The following SMIM36 variants were observed in gnomAD, a reference collection of about 807,000 sequenced individuals.
The protein encoded by SMIM36 is small integral membrane protein 36.
intron 4 of SMIM36, among the ~76,000 whole-genome samples, chr17:55,459,369 T>C (rs1271360386): frequency 6.6e-6 from 1 of 152,190 alleles, no homozygotes; most frequent in Admixed American, 6.5e-5. Flanking sequence ...TTGTTGTTGT[T>C]CAAATTTATC....
chr17:55,458,609 C>T (rs982857010), intron 4 of SMIM36, among the ~76,000 whole-genome samples: 7 of 141,762 alleles, frequency 4.9e-5, no homozygotes, highest in Non-Finnish European at 9.2e-5. Flanking sequence ...TAGCGGGCAG[C>T]CACACATCAA....
intron 1 of SMIM36, among the ~76,000 whole-genome samples, chr17:55,501,959 T>G (rs1754187287): frequency 6.9e-6 from 1 of 145,678 alleles, no homozygotes; most frequent in African/African-American, 2.7e-5. Context: ...AAGAAAGGGG[T>G]GACGGACGCA....
Position 55,501,340 on chromosome 17 carries a change from TATATA to T in SMIM36, c.*174+9534_*174+9538del, listed in dbSNP as rs1476323270. ...TTATATTTTATAATATATAATATAT[TATATA>T]TTATATTTTATAATATATAATATAT... On this transcript the variant is annotated intron_variant, in intron 1 of 4. Coordinates refer to ENST00000636752, the Ensembl canonical transcript of SMIM36. Among the ~76,000 whole-genome samples the T allele has an allele frequency of 1.1e-3, 54 of 50,328 alleles. 3 individuals carry two copies. In the East Asian group the frequency reaches 0.022, roughly 21 times the overall value. 33.0% of individuals were successfully genotyped at this position (50,328 alleles called of 152,430 possible). A position where few individuals can be genotyped will look rare whatever the true frequency, so the allele number is the denominator to read the frequency against.
chr17:55,475,271 C>T (rs1169071868), intron 3 of SMIM36, among the ~76,000 whole-genome samples: 1 of 152,144 alleles, frequency 6.6e-6, no homozygotes, highest in African/African-American at 2.4e-5. Flanking sequence ...GGTACTATCC[C>T]CAATCCACCA....
upstream of SMIM36, among the ~76,000 whole-genome samples, chr17:55,515,084 G>GTTTTTTT (rs1567874075): frequency 1.8e-4 from 10 of 56,154 alleles, 2 homozygotes; most frequent in Non-Finnish European, 5.0e-4. Flanking sequence ...TTCTAGTCTA[G>GTTTTTTT]TGTTTTTTTT....
intron 1 of SMIM36, among the ~76,000 whole-genome samples, chr17:55,484,993 G>T (rs973888998): frequency 6.6e-6 from 1 of 152,170 alleles, no homozygotes; most frequent in African/African-American, 2.4e-5. Context: ...CATTGACTGG[G>T]TTTAGCTGAT....
chr17:55,491,594 T>C (rs1483824920), intron 1 of SMIM36, among the ~76,000 whole-genome samples: 3 of 152,158 alleles, frequency 2.0e-5, no homozygotes, highest in Non-Finnish European at 4.4e-5. Context: ...AATTAAGTTC[T>C]AGCTAATGAA....
At chr17:55,522,482 G>A in the SMIM36 span, among the ~76,000 whole-genome samples, 2 of 152,170 alleles carry the variant, frequency 1.3e-5, no homozygotes, top group African/African-American at 2.4e-5. Flanking sequence ...AAGGTGAATG[G>A]GGAACAAATT....
intron 2 of SMIM36, among the ~76,000 whole-genome samples, chr17:55,479,110 CT>C (rs1444279846): frequency 1.3e-5 from 2 of 152,192 alleles, no homozygotes; most frequent in Admixed American, 6.5e-5. Context: ...CTGACAATGA[CT>C]TCCAAGGACA....
chr17:55,523,689 G>T, the SMIM36 span, among the ~76,000 whole-genome samples: 1 of 152,090 alleles, frequency 6.6e-6, no homozygotes, highest in Non-Finnish European at 1.5e-5. Flanking sequence ...GCTGTTTAGG[G>T]CACCTAATAT....
rs1910008692 is a variant in SMIM36 at position 55,502,393 on chromosome 17, C to A, written c.*174+8486G>T. Among the ~76,000 whole-genome samples, 2 of 100,520 alleles carry A rather than the reference C, an allele frequency of 2.0e-5. 1 individual carries two copies. The highest frequency in any genetic ancestry group is 5.6e-4 in the East Asian group (2 of 3,590). 65.9% of individuals were successfully genotyped at this position (100,520 alleles called of 152,430 possible). A position where few individuals can be genotyped will look rare whatever the true frequency, so the allele number is the denominator to read the frequency against. ...TGGAGATCTGAGAACCGGCAGACTG[C>A]CTCTTCAAGTGGGTCCCTGACCCCT... On this transcript the variant is annotated intron_variant, in intron 1 of 4. Transcript: ENST00000636752.
chr17:55,477,458 A>C (rs1909443884), intron 3 of SMIM36, among the ~76,000 whole-genome samples: 1 of 152,080 alleles, frequency 6.6e-6, no homozygotes. Flanking sequence ...GTCTCTGTGC[A>C]CTAATTTCCC....
rs55879501 is a variant in SMIM36, at chr17:55,508,431, A to AATATATATAT, written c.*174+2438_*174+2447dup. Among the ~76,000 whole-genome samples, 859 of 114,136 alleles carry AATATATATAT rather than the reference A, an allele frequency of 7.5e-3. 54 individuals carry two copies. Among genetic ancestry groups the AATATATATAT allele is most frequent in the African/African-American group, 0.021 (582 of 28,276 alleles). The allele number at this position is 114,136 out of a possible 152,430, so 74.9% of individuals were successfully genotyped here. A position where few individuals can be genotyped will look rare whatever the true frequency, so the allele number is the denominator to read the frequency against. ...CATATTTTATATATATATTCCTAGG[A>AATATATATAT]ATATATATATATATATATATATATA... On this transcript the variant is annotated intron_variant, in intron 1 of 4. Transcript: ENST00000636752.
chr17:55,480,619 G>T (rs987375645), intron 1 of SMIM36, among the ~76,000 whole-genome samples: 32 of 152,158 alleles, frequency 2.1e-4, no homozygotes, highest in African/African-American at 7.0e-4. Flanking sequence ...GGAAGTGCAG[G>T]ATTTCTTTTG....
chr17:55,498,293 T>A (rs1909843387), intron 1 of SMIM36, among the ~76,000 whole-genome samples: 1 of 152,146 alleles, frequency 6.6e-6, no homozygotes, highest in Non-Finnish European at 1.5e-5. Flanking sequence ...GGTAAGGACT[T>A]CAACATATGA....
At chr17:55,508,451 T>G (rs1035038903) in intron 1 of SMIM36, among the ~76,000 whole-genome samples, 1 of 140,668 alleles carries the variant, frequency 7.1e-6, no homozygotes, top group Non-Finnish European at 1.5e-5. Context: ...TATATATATA[T>G]ATATATATAT....
the SMIM36 span, among the ~76,000 whole-genome samples, chr17:55,517,421 C>A: frequency 2.0e-5 from 3 of 152,154 alleles, no homozygotes; most frequent in Admixed American, 2.0e-4. Flanking sequence ...CATGGTGCTG[C>A]ACACCTGTAG....
chr17:55,452,528 C>G (rs1230864695), intron 4 of SMIM36, among the ~76,000 whole-genome samples: 1 of 152,178 alleles, frequency 6.6e-6, no homozygotes, highest in Non-Finnish European at 1.5e-5. Context: ...AAGTTCTCAG[C>G]TTCTCAAGGG....
chr17:55,507,454 C>T (rs1178498448), intron 1 of SMIM36, among the ~76,000 whole-genome samples: 1 of 114,892 alleles, frequency 8.7e-6, no homozygotes, highest in Admixed American at 9.2e-5. Context: ...TGGAAATCAT[C>T]ATTCTCAGTA....
Sources: gnomAD v4.1 joint callset for allele counts (sites outside exome capture counted in the v4.1 genomes callset) on GRCh38, gnomAD v4.1.1 for gene constraint, MANE v1.5 for transcripts, NCBI Gene and HGNC (gene_info 2026-07-23, HGNC 2026-07-21) for gene names.